Variants in ADK observed in about 807,000 individuals in gnomAD.
ADK encodes adenosine kinase.
In ADK, 24 loss-of-function variants were observed where a neutral mutation model predicts 44.7. That is an observed-to-expected ratio of 0.54 (90% CI 0.39 to 0.76). The LOEUF (loss-of-function observed/expected upper bound fraction) is 0.76, where lower values mean the gene tolerates loss of function less well. ADK is among the 30% of genes least tolerant of loss of function. ADK has a pLI of 0.00. For missense variants in ADK, 321 were observed against 425.1 expected, an observed-to-expected ratio of 0.76 and a Z score of 2.15; for synonymous variants, 128 against 142.6, an observed-to-expected ratio of 0.90 and a Z score of 0.73.
chr10:74,187,122 A>G (rs1269566959), intron 1 of ADK, among the ~76,000 whole-genome samples: 1 of 152,084 alleles, frequency 6.6e-6, no homozygotes, highest in East Asian at 1.9e-4. Context: ...TTTAAAATTT[A>G]GGCATTCTCC....
At chr10:74,337,760 ATTT>A (rs71475276) in intron 4 of ADK, among the ~76,000 whole-genome samples, 13 of 130,114 alleles carry the variant, frequency 1.0e-4, no homozygotes, top group Non-Finnish European at 6.5e-5. Context: ...TCTTCGGATG[ATTT>A]TTTTTTTTTT....
chr10:74,343,163 G>GTT (rs565468578), intron 4 of ADK, among the ~76,000 whole-genome samples: 1 of 150,246 alleles, frequency 6.7e-6, no homozygotes. Flanking sequence ...TTCTATTTCT[G>GTT]TTTTTTTTTA....
chr10:74,180,217 ATTATTATTATTATTATTG>A (rs1238118777), intron 1 of ADK, among the ~76,000 whole-genome samples: 4 of 104,784 alleles, frequency 3.8e-5, no homozygotes, highest in African/African-American at 5.8e-5. Flanking sequence ...TTTTATTATT[ATTATTATTATTATTATTG>A]TTATTATTAA....
At chr10:74,514,885 C>T (rs189432715) in intron 6 of ADK, among the ~76,000 whole-genome samples, 59 of 152,114 alleles carry the variant, frequency 3.9e-4, no homozygotes, top group Admixed American at 2.7e-3. Context: ...AGTGCAGTGG[C>T]ACAATCTCGG....
chr10:74,584,755 A>C (rs1851476197), intron 7 of ADK, among the ~76,000 whole-genome samples: 1 of 152,178 alleles, frequency 6.6e-6, no homozygotes, highest in African/African-American at 2.4e-5. Context: ...CTTAGGAGGT[A>C]AATGTTTGTT....
At chr10:74,335,489 C>T (rs750581123) in intron 4 of ADK, among the ~76,000 whole-genome samples, 3 of 152,134 alleles carry the variant, frequency 2.0e-5, no homozygotes, top group African/African-American at 7.2e-5. Context: ...ATGTACTGCA[C>T]CTTGTGTCTC....
At chr10:74,503,871 G>T (rs558246667) in intron 6 of ADK, among the ~76,000 whole-genome samples, 4 of 151,976 alleles carry the variant, frequency 2.6e-5, no homozygotes, top group Non-Finnish European at 5.9e-5. Flanking sequence ...TATCTCCAGG[G>T]CACCCAGCTG....
At chr10:74,398,658 A>C in intron 6 of ADK, 79 bp downstream of exon 6, 1 of 758,060 alleles carries the variant, frequency 1.3e-6, no homozygotes, top group Non-Finnish European at 2.1e-6. Flanking sequence ...ATATTTTAAA[A>C]TAATTATCTT....
chr10:74,694,435 T>C (rs1303799801), intron 10 of ADK, among the ~76,000 whole-genome samples: 2 of 151,624 alleles, frequency 1.3e-5, no homozygotes, highest in African/African-American at 4.9e-5. Flanking sequence ...TTCCTCTCTT[T>C]AAAGGTATCA....
intron 10 of ADK, among the ~76,000 whole-genome samples, chr10:74,702,301 A>C (rs1300460003): frequency 1.3e-5 from 2 of 150,934 alleles, no homozygotes. Context: ...CTCCTGCCTC[A>C]GTTTCCCAAG....
At chr10:74,296,795 T>C (rs1839834317) in intron 3 of ADK, among the ~76,000 whole-genome samples, 1 of 151,890 alleles carries the variant, frequency 6.6e-6, no homozygotes, top group Non-Finnish European at 1.5e-5. Flanking sequence ...TTTGTATTTT[T>C]AGTAGAGACG....
intron 3 of ADK, among the ~76,000 whole-genome samples, chr10:74,311,553 A>T (rs2131794559): frequency 6.6e-6 from 1 of 152,310 alleles, no homozygotes; most frequent in South Asian, 2.1e-4. Flanking sequence ...AATTGTCCTT[A>T]TTCACAAATG....
chr10:74,307,011 A>C (rs1002832863), intron 3 of ADK, among the ~76,000 whole-genome samples: 1 of 151,950 alleles, frequency 6.6e-6, no homozygotes, highest in African/African-American at 2.4e-5. Flanking sequence ...TTTTCCCCCT[A>C]TTGCCCCCTT....
chr10:74,308,973 G>C (rs2131784982), intron 3 of ADK, among the ~76,000 whole-genome samples: 1 of 152,120 alleles, frequency 6.6e-6, no homozygotes, highest in South Asian at 2.1e-4. Flanking sequence ...ATTGTAAAGT[G>C]TTGGTTTTGT....
At chr10:74,552,629 A>G (rs1850075264) in intron 7 of ADK, among the ~76,000 whole-genome samples, 1 of 151,200 alleles carries the variant, frequency 6.6e-6, no homozygotes. Context: ...TTTTAAGGAT[A>G]CCATTAAGAT....
At chr10:74,231,709 G>A (rs1406304252) in intron 3 of ADK, among the ~76,000 whole-genome samples, 1 of 143,438 alleles carries the variant, frequency 7.0e-6, no homozygotes, top group East Asian at 2.0e-4. Flanking sequence ...CAAGTGATAT[G>A]TCTGCCTTGG....
intron 1 of ADK, chr10:74,176,551 G>C (rs1242206094): frequency 7.6e-7 from 1 of 1,310,964 alleles, no homozygotes; most frequent in Non-Finnish European, 9.7e-7. Flanking sequence ...ACGGGACGCT[G>C]TTACTAGGAC....
intron 6 of ADK, among the ~76,000 whole-genome samples, chr10:74,509,797 CT>C (rs751776663): frequency 2.0e-5 from 3 of 151,974 alleles, no homozygotes; most frequent in African/African-American, 7.2e-5. Context: ...ATAAGATCAA[CT>C]TTTTTTTATC....
intron 6 of ADK, among the ~76,000 whole-genome samples, chr10:74,507,832 C>A (rs1446495569): frequency 6.6e-6 from 1 of 151,964 alleles, no homozygotes; most frequent in East Asian, 1.9e-4. Flanking sequence ...AAAATAATTA[C>A]CCTCATTTAT....
Sources: allele counts gnomAD v4.1 joint callset (sites outside exome capture counted in the v4.1 genomes callset), GRCh38; gene constraint gnomAD v4.1.1; transcripts MANE v1.5; gene names NCBI Gene and HGNC (gene_info 2026-07-23, HGNC 2026-07-21).